RAB19: variants seen among roughly 807,000 people sequenced by gnomAD.
RAB19 encodes RAB19, member RAS oncogene family.
In RAB19, 21 loss-of-function variants were observed where a neutral mutation model predicts 17.3. The observed-to-expected ratio is 1.21, with a 90% confidence interval of 0.86 to 1.74. The LOEUF (loss-of-function observed/expected upper bound fraction) is 1.74, where lower values mean the gene tolerates loss of function less well. Among genes scored for constraint, RAB19 ranks in the 40% most tolerant of loss-of-function variants. RAB19 has a pLI of 0.00. For missense variants in RAB19, 277 were observed against 286.8 expected, an observed-to-expected ratio of 0.97 and a Z score of 0.25; for synonymous variants, 126 against 110.4, an observed-to-expected ratio of 1.14 and a Z score of -0.88.
At chr7:140,406,114 G>T (rs2130078188) in intron 1 of RAB19, among the ~76,000 whole-genome samples, 1 of 151,884 alleles carries the variant, frequency 6.6e-6, no homozygotes, top group Non-Finnish European at 1.5e-5. Context: ...GTGGTGGCAG[G>T]CACCTGTAAT....
chr7:140,415,499 T>C (rs907726362), intron 3 of RAB19, among the ~76,000 whole-genome samples: 13 of 152,128 alleles, frequency 8.5e-5, no homozygotes, highest in African/African-American at 3.1e-4. Flanking sequence ...ACAAAAACCC[T>C]CAGGGCCAAA....
chr7:140,414,407 C>G (rs1260838931), intron 3 of RAB19, among the ~76,000 whole-genome samples: 1 of 152,186 alleles, frequency 6.6e-6, no homozygotes, highest in Non-Finnish European at 1.5e-5. Context: ...GCCTCTCCCC[C>G]AGCCAGCTCC....
chr7:140,406,996 T>C (rs4726786), intron 1 of RAB19, among the ~76,000 whole-genome samples: 93,322 of 151,778 alleles, frequency 0.61, 28,982 homozygotes, highest in East Asian at 0.8. Flanking sequence ...AGTGATTCTC[T>C]GGCCTCAGCC....
rs75988060 is a variant in RAB19 at position 140,422,500 on chromosome 7, A to G, written c.386-3382A>G. Among the ~76,000 whole-genome samples the G allele has an allele frequency of 5.5e-3, 839 of 152,278 alleles. 11 individuals are homozygous for G. Among genetic ancestry groups the G allele is most frequent in the African/African-American group, 0.019 (788 of 41,556 alleles). On this transcript the variant is annotated intron_variant, in intron 3 of 3. Transcript: ENST00000537763. ...TTTTTCCTCTCCATTGATCTAGTCC[A>G]TTCATGCTCTTGGGAGTGAAAATAT...
chr7:140,424,611 C>CTA (rs1448314960), intron 3 of RAB19, among the ~76,000 whole-genome samples: 15 of 81,530 alleles, frequency 1.8e-4, no homozygotes, highest in East Asian at 1.0e-3. Context: ...CTCTCTCTCT[C>CTA]TCTCTCTCTA....
intron 3 of RAB19, among the ~76,000 whole-genome samples, chr7:140,423,118 T>C (rs1301305644): frequency 6.9e-6 from 1 of 144,470 alleles, no homozygotes; most frequent in Non-Finnish European, 1.5e-5. Flanking sequence ...AATAAACAAA[T>C]AAATAAATAA....
chr7:140,410,407 A>T (rs1311187895), intron 2 of RAB19, among the ~76,000 whole-genome samples: 1 of 132,856 alleles, frequency 7.5e-6, no homozygotes, highest in South Asian at 2.4e-4. Flanking sequence ...GCTCACTGTA[A>T]GCTCCGCTTC....
chr7:140,426,111 G>A lies in RAB19; in HGVS notation c.615G>A (p.Met205Ile), dbSNP rs147871231. The A allele has an allele frequency of 1.2e-5, 19 of 1,614,016 alleles. No individual in the cohort carries two copies. The highest frequency in any genetic ancestry group is 1.4e-5 in the Non-Finnish European group (16 of 1,180,024). The part of the protein sequence containing the change: ...GLPLDSSPVL[M>I]AQGPSEKTHC... ...CCCTGGACTCCAGCCCCGTTCTTAT[G>A]GCCCAGGGTCCAAGTGAAAAGACCC... The change falls in exon 4 of 4, where the codon ATG becomes ATA. Residue 205 changes from methionine (M) to isoleucine (I), a missense_variant. Met to Ile is a conservative substitution (Grantham distance 10). Coordinates refer to ENST00000537763, the MANE Select transcript of RAB19 (RefSeq NM_001008749.3).
chr7:140,420,987 G>A (rs1799552345), intron 3 of RAB19, among the ~76,000 whole-genome samples: 1 of 151,982 alleles, frequency 6.6e-6, no homozygotes, highest in Admixed American at 6.6e-5. Flanking sequence ...CCACCTCCCG[G>A]GTTCAAGCAA....
chr7:140,411,403 A>T (rs1799359247), intron 2 of RAB19, among the ~76,000 whole-genome samples: 1 of 152,154 alleles, frequency 6.6e-6, no homozygotes, highest in African/African-American at 2.4e-5. Flanking sequence ...CCATCTCAAA[A>T]AAAATAGGTC....
chr7:140,411,855 C>A lies in RAB19; in HGVS notation c.202-19C>A. 1 of 1,614,098 alleles carries A rather than the reference C, an allele frequency of 6.2e-7. No homozygotes were observed. Among genetic ancestry groups the A allele is most frequent in the Non-Finnish European group, 8.5e-7 (1 of 1,179,964 alleles). ...TGTGGGAACCCCTGATTTGGACTCT[C>A]CTTCCTGTCCTTCTCCAGATGCAGG... On this transcript the variant is annotated intron_variant, in intron 2 of 3. Transcript: ENST00000537763.
At chr7:140,416,080 C>T (rs1488002149) in intron 3 of RAB19, among the ~76,000 whole-genome samples, 1 of 149,956 alleles carries the variant, frequency 6.7e-6, no homozygotes, top group African/African-American at 2.5e-5. Flanking sequence ...CAGTGGCTCA[C>T]GTCTGTAATC....
chr7:140,407,623 G>A lies in RAB19; in HGVS notation c.-23-1G>A, dbSNP rs771876800. The A allele has an allele frequency of 2.5e-6, 4 of 1,612,456 alleles. No homozygotes were observed. In the East Asian group the frequency reaches 8.9e-5, roughly 36 times the overall value. ...TGCTGAATTCCATCCTTTCTTCCTA[G>A]TTCTGTTCTAGGTGGCAAGAACCAT... On this transcript the variant is annotated splice_acceptor_variant, in intron 1 of 3. Transcript: ENST00000537763. LOFTEE classifies it low-confidence loss of function (5UTR_SPLICE).
intron 3 of RAB19, among the ~76,000 whole-genome samples, chr7:140,425,178 C>T (rs1320248780): frequency 1.3e-5 from 2 of 151,934 alleles, no homozygotes; most frequent in Non-Finnish European, 2.9e-5. Context: ...CTCAGCTACT[C>T]GGGAGTCTGA....
intron 2 of RAB19, 96 bp downstream of exon 2, chr7:140,407,943 C>T (rs1799279457): frequency 1.0e-6 from 1 of 952,980 alleles, no homozygotes; most frequent in Non-Finnish European, 1.5e-6. Flanking sequence ...CGGCTCACTG[C>T]AAGCTCCGCC....
Position 140,426,369 on chromosome 7 carries a change from G to C in RAB19, c.*219G>C. 1.8e-6 allele frequency: 1 copy of C among 543,222 alleles called. No homozygotes were observed. The highest frequency in any genetic ancestry group is 3.0e-5 in the South Asian group (1 of 32,954). The allele number at this position is 543,222 out of a possible 1,614,324, so 33.7% of individuals were successfully genotyped here. A position where few individuals can be genotyped will look rare whatever the true frequency, so the allele number is the denominator to read the frequency against. The stretch of plus-strand genomic sequence containing the variant: ...GAAAACCAGCACCATTGTTTTCACT[G>C]ACTCTTGACTCCTGGAGAAGGCAGG... On this transcript the variant is annotated 3_prime_UTR_variant, in exon 4 of 4. Coordinates refer to ENST00000537763, the MANE Select transcript of RAB19 (RefSeq NM_001008749.3).
intron 3 of RAB19, among the ~76,000 whole-genome samples, chr7:140,418,517 G>A (rs904606564): frequency 4.0e-5 from 6 of 150,972 alleles, no homozygotes; most frequent in Non-Finnish European, 7.4e-5. Context: ...CAGAGGTTGC[G>A]GTGAGCCGAG....
At chr7:140,414,223 G>C (rs1799415844) in intron 3 of RAB19, among the ~76,000 whole-genome samples, 1 of 151,954 alleles carries the variant, frequency 6.6e-6, no homozygotes, top group Non-Finnish European at 1.5e-5. Flanking sequence ...TTTTATTTTA[G>C]TAGAGACAGG....
intron 3 of RAB19, among the ~76,000 whole-genome samples, chr7:140,423,577 G>T (rs1188700187): frequency 2.0e-5 from 3 of 152,290 alleles, no homozygotes; most frequent in Non-Finnish European, 2.9e-5. Context: ...ATTATGCTGA[G>T]TGAAAAAAGA....
Sources: gnomAD v4.1 joint callset for allele counts (sites outside exome capture counted in the v4.1 genomes callset) on GRCh38, gnomAD v4.1.1 for gene constraint, MANE v1.5 for transcripts, NCBI Gene and HGNC (gene_info 2026-07-23, HGNC 2026-07-21) for gene names.